Variants in SORCS3 observed in about 807,000 individuals in gnomAD.
The protein encoded by SORCS3 is sortilin related VPS10 domain containing receptor 3.
Under a neutral mutation model 146.3 loss-of-function variants are expected in SORCS3, and 57 were observed. The ratio of observed to expected loss-of-function variants is 0.39; its 90% CI spans 0.31 to 0.49. The LOEUF (loss-of-function observed/expected upper bound fraction) is 0.49, where lower values mean the gene tolerates loss of function less well. SORCS3 is among the 20% of genes least tolerant of loss of function. The pLI is 0.92. For missense variants in SORCS3, 1,341 were observed against 1,575.5 expected (o/e 0.85, Z 2.52); for synonymous variants, 653 against 618.5 (o/e 1.06, Z -0.83).
At chr10:104,940,224 ATATATATATATATATTTTTT>A (rs1218368658) in intron 3 of SORCS3, among the ~76,000 whole-genome samples, 1,282 of 25,860 alleles carry the variant, frequency 0.05, 38 homozygotes, top group African/African-American at 0.11. Flanking sequence ...ATATATATAT[ATATATATATATATATTTTTT>A]TTTTTTTTTT....
At chr10:105,092,849 A>C (rs2055719893) in intron 6 of SORCS3, among the ~76,000 whole-genome samples, 1 of 152,056 alleles carries the variant, frequency 6.6e-6, no homozygotes, top group South Asian at 2.1e-4. Flanking sequence ...ATCTACAAAA[A>C]ACCTAAAATT....
intron 6 of SORCS3, among the ~76,000 whole-genome samples, chr10:105,096,162 A>T (rs1437863653): frequency 6.6e-6 from 1 of 151,470 alleles, no homozygotes; most frequent in Non-Finnish European, 1.5e-5. Flanking sequence ...GCACACACAC[A>T]CCCTTACCTG....
At chr10:104,978,049 T>C (rs1281773296) in intron 4 of SORCS3, among the ~76,000 whole-genome samples, 1 of 152,196 alleles carries the variant, frequency 6.6e-6, no homozygotes, top group East Asian at 1.9e-4. Flanking sequence ...TGACTTTCTT[T>C]ATAATTTTAC....
At chr10:104,890,956 T>C (rs1586662) in intron 2 of SORCS3, among the ~76,000 whole-genome samples, 55,445 of 152,172 alleles carry the variant, frequency 0.36, 13,045 homozygotes, top group African/African-American at 0.67. Context: ...TCTGCTTCTA[T>C]GCATGCCAAA....
chr10:104,766,778 C>T (rs1249525655), intron 1 of SORCS3, among the ~76,000 whole-genome samples: 2 of 152,218 alleles, frequency 1.3e-5, no homozygotes, highest in East Asian at 3.9e-4. Flanking sequence ...GCCACGGTAC[C>T]TCTGAATGTG....
intron 1 of SORCS3, among the ~76,000 whole-genome samples, chr10:104,713,609 A>T (rs1044053038): frequency 6.6e-6 from 1 of 152,236 alleles, no homozygotes; most frequent in African/African-American, 2.4e-5. Context: ...GTTGATTTTC[A>T]TATTGAACCA....
At chr10:105,136,856 C>G (rs2056062212) in intron 7 of SORCS3, among the ~76,000 whole-genome samples, 2 of 152,066 alleles carry the variant, frequency 1.3e-5, no homozygotes, top group Non-Finnish European at 2.9e-5. Context: ...ATGTTTTGGA[C>G]CATTCGACAA....
intron 3 of SORCS3, among the ~76,000 whole-genome samples, chr10:104,935,497 T>G (rs1161767985): frequency 6.6e-6 from 1 of 152,200 alleles, no homozygotes; most frequent in Non-Finnish European, 1.5e-5. Context: ...TCTATTGTAC[T>G]TCCAGCATCA....
intron 1 of SORCS3, among the ~76,000 whole-genome samples, chr10:104,794,453 C>G (rs543920501): frequency 1.3e-5 from 2 of 152,024 alleles, no homozygotes; most frequent in African/African-American, 4.8e-5. Flanking sequence ...AGAGCAGATG[C>G]CTGTGGAATG....
chr10:105,157,240 G>T lies in SORCS3; in HGVS notation c.1585G>T (p.Ala529Ser). 1 of 1,614,094 alleles carries T rather than the reference G, an allele frequency of 6.2e-7. No individual in the cohort carries two copies. Among genetic ancestry groups the T allele is most frequent in the Non-Finnish European group, 8.5e-7 (1 of 1,179,972 alleles). Residue 529 changes from alanine (A) to serine (S), a missense_variant, in exon 10 of 27, where the codon GCT becomes TCT. Ala to Ser is a moderately conservative substitution (Grantham distance 99). Coordinates refer to ENST00000369701, the MANE Select transcript of SORCS3 (RefSeq NM_014978.3). ...AGGCAGGGATTGGCGCCTGCTGCAA[G>T]CTCCGGATGTGGACCTGAGAGGAAG... ...NKGRDWRLLQAPDVDLRGSPV... is the reference protein window; with the variant it reads ...NKGRDWRLLQSPDVDLRGSPV...
intron 1 of SORCS3, among the ~76,000 whole-genome samples, chr10:104,711,901 A>G (rs1489267259): frequency 1.3e-5 from 2 of 151,996 alleles, no homozygotes; most frequent in Non-Finnish European, 2.9e-5. Context: ...GTGAAGGAGG[A>G]TGGAACTAGT....
chr10:104,761,720 G>T (rs2017124157), intron 1 of SORCS3, among the ~76,000 whole-genome samples: 1 of 152,118 alleles, frequency 6.6e-6, no homozygotes, highest in South Asian at 2.1e-4. Context: ...TGATCAAACA[G>T]ATTATTGTCA....
chr10:104,942,220 A>G (rs988558488), intron 3 of SORCS3, among the ~76,000 whole-genome samples: 4 of 152,234 alleles, frequency 2.6e-5, no homozygotes, highest in East Asian at 3.8e-4. Flanking sequence ...TCTAGGAGTC[A>G]AACGTTACCA....
chr10:104,783,460 G>C (rs1006278345), intron 1 of SORCS3, among the ~76,000 whole-genome samples: 1 of 152,186 alleles, frequency 6.6e-6, no homozygotes, highest in Admixed American at 6.5e-5. Flanking sequence ...GGGGCCGGGC[G>C]TGGTGGCTCA....
intron 1 of SORCS3, among the ~76,000 whole-genome samples, chr10:104,833,937 G>A (rs964295437): frequency 2.6e-5 from 4 of 152,092 alleles, no homozygotes; most frequent in African/African-American, 9.7e-5. Context: ...CACAGTCCTC[G>A]TCTCATAAGA....
chr10:104,939,574 C>G (rs1190283738), intron 3 of SORCS3, among the ~76,000 whole-genome samples: 1 of 152,154 alleles, frequency 6.6e-6, no homozygotes, highest in African/African-American at 2.4e-5. Context: ...CTTGGAGAGA[C>G]ATTTTTAATC....
intron 17 of SORCS3, among the ~76,000 whole-genome samples, chr10:105,213,722 G>A (rs2056648374): frequency 6.6e-6 from 1 of 152,144 alleles, no homozygotes; most frequent in Non-Finnish European, 1.5e-5. Flanking sequence ...GAAGGTCATA[G>A]TGCTTTGTCA....
intron 1 of SORCS3, among the ~76,000 whole-genome samples, chr10:104,723,858 C>T (rs1188451702): frequency 6.6e-6 from 1 of 152,054 alleles, no homozygotes; most frequent in Non-Finnish European, 1.5e-5. Context: ...TTATTTTGAG[C>T]CTATGTGTGT....
intron 5 of SORCS3, among the ~76,000 whole-genome samples, chr10:105,054,139 G>A (rs1167313667): frequency 6.6e-6 from 1 of 151,848 alleles, no homozygotes; most frequent in African/African-American, 2.4e-5. Flanking sequence ...GTGACCATCT[G>A]TTTTTGTTTC....
Sources: gnomAD v4.1 joint callset for allele counts (sites outside exome capture counted in the v4.1 genomes callset) on GRCh38, gnomAD v4.1.1 for gene constraint, MANE v1.5 for transcripts, NCBI Gene and HGNC (gene_info 2026-07-23, HGNC 2026-07-21) for gene names.